COA1: variants seen among roughly 807,000 people sequenced by gnomAD.
The protein encoded by COA1 is cytochrome c oxidase assembly factor 1 homolog.
COA1 carries 13 observed loss-of-function variants against 16.0 expected under a neutral mutation model. The ratio of observed to expected loss-of-function variants is 0.81; its 90% CI spans 0.53 to 1.29. The LOEUF is 1.29. COA1 is among the 50% of genes most tolerant of loss of function. The probability of loss-of-function intolerance (pLI) is 0.00; values close to 1 mark genes in which losing one functional copy is unlikely to be tolerated. For synonymous variants in COA1, 65 were observed against 65.7 expected, an observed-to-expected ratio of 0.99 and a Z score of 0.05; for missense variants, 179 against 177.0, an observed-to-expected ratio of 1.01 and a Z score of -0.06.
intron 6 of COA1, among the ~76,000 whole-genome samples, chr7:43,611,518 T>C (rs1242038253): frequency 2.6e-5 from 4 of 152,150 alleles, no homozygotes; most frequent in African/African-American, 9.7e-5. Flanking sequence ...TTAAAACCTT[T>C]CATAGCTTGG....
At chr7:43,653,720 A>G (rs1246120575) in intron 1 of COA1, among the ~76,000 whole-genome samples, 7 of 151,978 alleles carry the variant, frequency 4.6e-5, no homozygotes, top group Admixed American at 4.6e-4. Flanking sequence ...GGTTTTCACC[A>G]CTGAAAGTAA....
At chr7:43,709,093 A>G (rs1181581) in intron 1 of COA1, among the ~76,000 whole-genome samples, 124,533 of 150,738 alleles carry the variant, frequency 0.83, 51,864 homozygotes, top group African/African-American at 0.94. Flanking sequence ...GCACGATCTC[A>G]GCTCAGTGCA....
chr7:43,661,636 CA>C (rs200678255), intron 1 of COA1, among the ~76,000 whole-genome samples: 42 of 133,212 alleles, frequency 3.2e-4, no homozygotes, highest in Middle Eastern at 3.8e-3. Flanking sequence ...GACTCCATCT[CA>C]AAAAAAAAAA....
chr7:43,645,466 A>G lies in COA1; in HGVS notation c.116-67T>C, dbSNP rs2088992348. 13 of 1,428,512 alleles carry G rather than the reference A, an allele frequency of 9.1e-6. No homozygotes were observed. The South Asian group carries it at 9.2e-5, about 10-fold the overall frequency. The allele number at this position is 1,428,512 out of a possible 1,614,324, so 88.5% of individuals were successfully genotyped here. A position where few individuals can be genotyped will look rare whatever the true frequency, so the allele number is the denominator to read the frequency against. On this transcript the variant is annotated intron_variant, in intron 3 of 5. Transcript: ENST00000223336. ...TCAGGTAGAATCTACTACACAGAAA[A>G]TTAAATAATCCAACTGACGTACAGG...
At chr7:43,708,541 T>C (rs985550527) in intron 1 of COA1, among the ~76,000 whole-genome samples, 8 of 152,316 alleles carry the variant, frequency 5.3e-5, no homozygotes, top group Non-Finnish European at 1.0e-4. Flanking sequence ...TTTAGTATTC[T>C]GGCAGGTGTG....
At chr7:43,624,866 A>T (rs770257334) in intron 6 of COA1, 1 of 1,553,682 alleles carries the variant, frequency 6.4e-7, no homozygotes, top group Non-Finnish European at 8.7e-7. Context: ...TTAGAACTTC[A>T]AGATTTCTAC....
In COA1 at chr7:43,670,014, A is replaced by C. The variant is rs368868232; in HGVS notation, c.-38-21362T>G. ...AATCTGGGCTGAAGCAGGGAGACTT[A>C]GCTTGAGATTCTAGATAAAAAAAGA... On this transcript the variant is annotated intron_variant, in intron 1 of 5. Transcript: ENST00000223336. 1.5e-4 allele frequency among the ~76,000 whole-genome samples: 23 copies of C among 152,330 alleles called. No individual in the cohort carries two copies. The East Asian group carries it at 1.7e-3, about 11-fold the overall frequency.
At chr7:43,691,282 AAAGAAAGAAAGAAAGAAAG>A (rs2094294211) in intron 1 of COA1, among the ~76,000 whole-genome samples, 5 of 47,320 alleles carry the variant, frequency 1.1e-4, no homozygotes, top group African/African-American at 3.3e-4. Flanking sequence ...AGAAAGAAAG[AAAGAAAGAAAGAAAGAAAG>A]AAAGAAAGAA....
chr7:43,691,170 G>A (rs1406970390), intron 1 of COA1, among the ~76,000 whole-genome samples: 1 of 149,754 alleles, frequency 6.7e-6, no homozygotes, highest in Non-Finnish European at 1.5e-5. Flanking sequence ...TGCTCCCTGA[G>A]GCCAGGAGTT....
chr7:43,715,872 C>T (rs949286659), intron 1 of COA1, among the ~76,000 whole-genome samples: 4 of 152,110 alleles, frequency 2.6e-5, no homozygotes, highest in South Asian at 2.1e-4. Flanking sequence ...GGGAGATAAT[C>T]GAATCATGGG....
downstream of COA1, among the ~76,000 whole-genome samples, chr7:43,637,423 T>C (rs2086083411): frequency 6.6e-6 from 1 of 152,186 alleles, no homozygotes; most frequent in South Asian, 2.1e-4. Flanking sequence ...GGAAACCCCT[T>C]TCTCTGGTCT....
At chr7:43,655,499 A>T (rs2091573395) in intron 1 of COA1, among the ~76,000 whole-genome samples, 1 of 152,110 alleles carries the variant, frequency 6.6e-6, no homozygotes, top group Admixed American at 6.6e-5. Flanking sequence ...TAAAAATATA[A>T]CATCAACCGG....
At position 43,613,404 on chromosome 7, in the gene COA1, G is replaced by A. The variant is rs372553831; in HGVS notation, c.*134-3909C>T. Among the ~76,000 whole-genome samples the A allele has an allele frequency of 1.4e-4, 22 of 152,302 alleles. No individual in the cohort carries two copies. The South Asian group carries it at 2.3e-3, about 16-fold the overall frequency. On this transcript the variant is annotated intron_variant and NMD_transcript_variant, in intron 6 of 6. Coordinates refer to the COA1 transcript ENST00000415076. ...TGTGCTTAGGTTATATGCAAATACTGTACCATTTCCTATCAGGAACTTGAG... is the reference window on the plus strand; with the variant it reads ...TGTGCTTAGGTTATATGCAAATACTATACCATTTCCTATCAGGAACTTGAG...
At chr7:43,624,764 G>A (rs777009041) in intron 6 of COA1, 3 of 1,613,304 alleles carry the variant, frequency 1.9e-6, no homozygotes, top group South Asian at 1.1e-5. Context: ...AAGAGAAAAT[G>A]GAGCAAAAGG....
chr7:43,721,219 T>C (rs2095499107), intron 1 of COA1, among the ~76,000 whole-genome samples: 1 of 152,246 alleles, frequency 6.6e-6, no homozygotes, highest in Admixed American at 6.5e-5. Context: ...ACTGCTTTAC[T>C]AGTAACATTA....
intron 4 of COA1, among the ~76,000 whole-genome samples, chr7:43,644,764 A>ATAGATAGAT (rs1563228896): frequency 0.011 from 855 of 74,668 alleles, 18 homozygotes; most frequent in Middle Eastern, 0.02. Flanking sequence ...ATAGATAGGC[A>ATAGATAGAT]GGCAGGCAGG....
At chr7:43,703,729 T>C (rs1332279583) in intron 1 of COA1, among the ~76,000 whole-genome samples, 1 of 152,218 alleles carries the variant, frequency 6.6e-6, no homozygotes, top group Non-Finnish European at 1.5e-5. Context: ...ACTTTGAGCC[T>C]ATGGATGTCA....
At chr7:43,644,182 G>A (rs1180927158) in intron 4 of COA1, among the ~76,000 whole-genome samples, 1 of 152,106 alleles carries the variant, frequency 6.6e-6, no homozygotes, top group Non-Finnish European at 1.5e-5. Flanking sequence ...CATCTCCCAG[G>A]CCTCGAGCCA....
intron 5 of COA1, 76 bp downstream of exon 5, chr7:43,640,497 T>C: frequency 5.8e-6 from 6 of 1,027,872 alleles, no homozygotes; most frequent in Admixed American, 2.2e-5. Flanking sequence ...TAACAACAAA[T>C]GAAAACGGAG....
Sources: allele counts gnomAD v4.1 joint callset (sites outside exome capture counted in the v4.1 genomes callset), GRCh38; gene constraint gnomAD v4.1.1; transcripts MANE v1.5; gene names NCBI Gene and HGNC (gene_info 2026-07-23, HGNC 2026-07-21).